The following MGA variants were observed in gnomAD, a reference collection of about 807,000 sequenced individuals.
MGA encodes the protein MAX dimerization protein MGA.
Under a neutral mutation model 261.1 loss-of-function variants are expected in MGA, and 40 were observed. The ratio of observed to expected loss-of-function variants is 0.15; its 90% CI spans 0.12 to 0.20. MGA has a LOEUF of 0.20. MGA is among the 10% of genes least tolerant of loss of function. The pLI is 1.00. For synonymous variants in MGA, 1,302 were observed against 1,290.6 expected (o/e 1.01, Z -0.19); for missense variants, 3,397 against 3,630.5 (o/e 0.94, Z 1.65).
chr15:41,706,298 G>A lies in MGA; in HGVS notation c.2189-1430G>A, dbSNP rs1413306976. On this transcript the variant is annotated intron_variant, in intron 5 of 23. Coordinates refer to ENST00000219905, the MANE Select transcript of MGA (RefSeq NM_001164273.2). Reference sequence around the variant, plus strand: ...ACAATAAAGATATGTTAAAGAACTGGAATTGCAAACTAAAACAAAATAGCT... The same window carrying A: ...ACAATAAAGATATGTTAAAGAACTGAAATTGCAAACTAAAACAAAATAGCT... Among the ~76,000 whole-genome samples, 4 of 149,584 alleles carry A rather than the reference G, an allele frequency of 2.7e-5. No individual in the cohort carries two copies. In the East Asian group the frequency reaches 7.8e-4, roughly 29 times the overall value.
chr15:41,666,059 T>A (rs2057717589), intron 1 of MGA, among the ~76,000 whole-genome samples: 1 of 90,632 alleles, frequency 1.1e-5, no homozygotes, highest in African/African-American at 3.3e-5. Flanking sequence ...CCATACCTGC[T>A]ATTTTTTTTT....
At chr15:41,658,583 G>A (rs1374475169), upstream of MGA, among the ~76,000 whole-genome samples, 1 of 151,882 alleles carries the variant, frequency 6.6e-6, no homozygotes, top group African/African-American at 2.4e-5. Context: ...AGTTCTCATA[G>A]GACCCTCAGA....
At chr15:41,684,345 A>G (rs1448240293) in intron 2 of MGA, 1 of 444,984 alleles carries the variant, frequency 2.2e-6, no homozygotes, top group African/African-American at 2.0e-5. Context: ...TGCCAACAAA[A>G]AAAATCCTTT....
intron 2 of MGA, among the ~76,000 whole-genome samples, chr15:41,681,556 T>A (rs2058681116): frequency 1.3e-5 from 2 of 152,060 alleles, no homozygotes; most frequent in Non-Finnish European, 2.9e-5. Context: ...GCTCAAGTGA[T>A]CCTCCCACCT....
chr15:41,671,405 C>A (rs1363959694), intron 2 of MGA, among the ~76,000 whole-genome samples: 1 of 151,976 alleles, frequency 6.6e-6, no homozygotes, highest in Non-Finnish European at 1.5e-5. Context: ...CTCACTGCAA[C>A]CTCTGGCTCC....
chr15:41,703,371 C>CCT (rs1555419079), intron 5 of MGA, among the ~76,000 whole-genome samples: 6 of 134,130 alleles, frequency 4.5e-5, no homozygotes, highest in Non-Finnish European at 6.6e-5. Flanking sequence ...TGAAGTTACC[C>CCT]CCCCCCCCAC....
At chr15:41,761,119 C>T (rs2063431938) in intron 20 of MGA, among the ~76,000 whole-genome samples, 1 of 152,172 alleles carries the variant, frequency 6.6e-6, no homozygotes, top group Non-Finnish European at 1.5e-5. Context: ...CAGATAGAGT[C>T]AGAAACTCTG....
chr15:41,687,624 T>C (rs1372203439), intron 2 of MGA, among the ~76,000 whole-genome samples: 1 of 152,220 alleles, frequency 6.6e-6, no homozygotes, highest in Non-Finnish European at 1.5e-5. Flanking sequence ...ATTCTACACA[T>C]TTGGTATGTT....
At chr15:41,756,026 A>AT (rs1035272352) in intron 18 of MGA, among the ~76,000 whole-genome samples, 19 of 152,184 alleles carry the variant, frequency 1.2e-4, no homozygotes, top group African/African-American at 3.6e-4. Context: ...CAAAAAAAAA[A>AT]ATTAAAGATT....
chr15:41,710,269 G>A (rs975200083), intron 7 of MGA, among the ~76,000 whole-genome samples: 1 of 152,294 alleles, frequency 6.6e-6, no homozygotes, highest in Admixed American at 6.5e-5. Context: ...TAGTTTTAGA[G>A]TAAGACATAA....
rs565070776 is a variant in MGA, at chr15:41,686,271, G to C, written c.1065-9804G>C. Reference sequence around the variant, plus strand: ...CTCACGCCTTTAATTCCAGCACTTTGGGAGGCCGAGGTAGGAGGATCACTT... The same window carrying C: ...CTCACGCCTTTAATTCCAGCACTTTCGGAGGCCGAGGTAGGAGGATCACTT... On this transcript the variant is annotated intron_variant, in intron 2 of 23. Transcript: ENST00000219905. Among the ~76,000 whole-genome samples the C allele has an allele frequency of 1.4e-4, 22 of 152,208 alleles. No homozygotes were observed. The South Asian group carries it at 4.6e-3, about 32-fold the overall frequency.
intron 9 of MGA, among the ~76,000 whole-genome samples, chr15:41,723,505 T>A (rs2061063762): frequency 6.6e-6 from 1 of 152,178 alleles, no homozygotes; most frequent in South Asian, 2.1e-4. Flanking sequence ...ATCCTTGATC[T>A]CCCTGGCTCA....
chr15:41,686,096 GAAATTTTCTA>G (rs1432140228), intron 2 of MGA, among the ~76,000 whole-genome samples: 2 of 151,930 alleles, frequency 1.3e-5, no homozygotes, highest in Non-Finnish European at 2.9e-5. Flanking sequence ...GAGTCCTTTA[GAAATTTTCTA>G]CATGTACAGT....
chr15:41,687,580 T>G lies in MGA; in HGVS notation c.1065-8495T>G, dbSNP rs565778571. On this transcript the variant is annotated intron_variant, in intron 2 of 23. Coordinates refer to ENST00000219905, the MANE Select transcript of MGA (RefSeq NM_001164273.2). ...TTTTTCATTTGTATGTATTTTAAAC[T>G]ATTCGTTTGACTCTTGAGCACTACT... is the stretch of plus-strand genomic sequence containing the variant. Among the ~76,000 whole-genome samples, 8 of 152,348 alleles carry G rather than the reference T, an allele frequency of 5.3e-5. No homozygotes were observed. The South Asian group carries it at 8.3e-4, about 16-fold the overall frequency.
upstream of MGA, among the ~76,000 whole-genome samples, chr15:41,656,700 C>G (rs767320588): frequency 5.3e-5 from 8 of 151,868 alleles, no homozygotes; most frequent in Non-Finnish European, 8.8e-5. Context: ...TTCTGTCCTT[C>G]TTTTCATCCT....
chr15:41,732,455 CTTA>C (rs376325333), intron 11 of MGA, among the ~76,000 whole-genome samples: 1 of 152,204 alleles, frequency 6.6e-6, no homozygotes, highest in Non-Finnish European at 1.5e-5. Flanking sequence ...GCCTGTTATC[CTTA>C]TTATATCTTG....
rs1022781997 is a variant in MGA at position 41,660,537 on chromosome 15, G to C, written c.-68+12G>C. ...CCACGCCCCGCACGGTAACTCTCGGGCCTGGGTGGAGGGCATCGCTTAGTA... is the reference window on the plus strand; with the variant it reads ...CCACGCCCCGCACGGTAACTCTCGGCCCTGGGTGGAGGGCATCGCTTAGTA... On this transcript the variant is annotated intron_variant, in intron 1 of 23. Coordinates refer to ENST00000219905, the MANE Select transcript of MGA (RefSeq NM_001164273.2). The C allele has an allele frequency of 6.5e-6, 1 of 153,052 alleles. No individual in the cohort carries two copies. The highest frequency in any genetic ancestry group is 1.5e-5 in the Non-Finnish European group (1 of 68,372). 9.5% of individuals were successfully genotyped at this position (153,052 alleles called of 1,614,324 possible).
chr15:41,690,181 G>A (rs2059199392), intron 2 of MGA, among the ~76,000 whole-genome samples: 1 of 152,124 alleles, frequency 6.6e-6, no homozygotes, highest in Admixed American at 6.5e-5. Context: ...TTATATAAAT[G>A]GAATCATTTA....
At chr15:41,662,831 A>G (rs927307284) in intron 1 of MGA, among the ~76,000 whole-genome samples, 6 of 152,136 alleles carry the variant, frequency 3.9e-5, no homozygotes, top group African/African-American at 1.4e-4. Context: ...GAATATACTA[A>G]CATCTTGGTG....
Sources: gnomAD v4.1 joint callset for allele counts (sites outside exome capture counted in the v4.1 genomes callset) on GRCh38, gnomAD v4.1.1 for gene constraint, MANE v1.5 for transcripts, NCBI Gene and HGNC (gene_info 2026-07-23, HGNC 2026-07-21) for gene names.